Variants in TENM1 observed in about 807,000 individuals in gnomAD.
The protein encoded by TENM1 is teneurin-1.
In TENM1, 35 loss-of-function variants were observed where a neutral mutation model predicts 174.8. The ratio of observed to expected loss-of-function variants is 0.20; its 90% CI spans 0.15 to 0.27. The LOEUF is 0.27. Among genes scored for constraint, TENM1 ranks in the 10% least tolerant of loss-of-function variants. The pLI is 1.00. For missense variants in TENM1, 1,633 were observed against 2,130.1 expected (o/e 0.77, Z 4.59); for synonymous variants, 781 against 798.7 (o/e 0.98, Z 0.37).
At chrX:124,644,204 C>CATATATATATAT (rs1489841676) in intron 10 of TENM1, among the ~76,000 whole-genome samples, 15 of 98,162 alleles carry the variant, frequency 1.5e-4, no homozygotes, top group African/African-American at 5.8e-4. Context: ...TATAAATTTA[C>CATATATATATAT]ATATACATAT....
chrX:125,045,208 A>G, the TENM1 span, among the ~76,000 whole-genome samples: 75 of 111,655 alleles, frequency 6.7e-4, no homozygotes, highest in East Asian at 0.02. Context: ...AACAGCCCCC[A>G]TGATCCAGTC....
chrX:125,040,805 GA>G, the TENM1 span, among the ~76,000 whole-genome samples: 3 of 109,342 alleles, frequency 2.7e-5, no homozygotes, highest in African/African-American at 9.9e-5. Context: ...TGAGCTGAAG[GA>G]AAAAAAAATT....
At chrX:124,957,823 C>T (rs957381184) in intron 1 of TENM1, among the ~76,000 whole-genome samples, 1 of 111,254 alleles carries the variant, frequency 9.0e-6, no homozygotes, top group African/African-American at 3.3e-5. Flanking sequence ...CCTCAACATA[C>T]CTCCTTTTTA....
intron 22 of TENM1, among the ~76,000 whole-genome samples, chrX:124,476,882 C>G (rs1340041120): frequency 2.7e-5 from 3 of 112,669 alleles, no homozygotes. Context: ...AATTCAAACT[C>G]ATATACAATG....
the TENM1 span, among the ~76,000 whole-genome samples, chrX:125,180,973 A>T: frequency 9.0e-6 from 1 of 111,553 alleles, no homozygotes; most frequent in African/African-American, 3.3e-5. Context: ...TACCGGCATT[A>T]CCTCCTCCAC....
At chrX:125,155,463 C>T in the TENM1 span, among the ~76,000 whole-genome samples, 4 of 111,272 alleles carry the variant, frequency 3.6e-5, no homozygotes, top group East Asian at 2.9e-4. Flanking sequence ...CCGTGCCGTG[C>T]GCCCACACTC....
the TENM1 span, among the ~76,000 whole-genome samples, chrX:125,098,473 G>GCA: frequency 9.0e-6 from 1 of 111,694 alleles, no homozygotes; most frequent in South Asian, 3.7e-4. Flanking sequence ...TTTGTAGTTG[G>GCA]CATTTATATT....
At chrX:124,521,396 AT>A (rs1232440919) in intron 17 of TENM1, among the ~76,000 whole-genome samples, 1 of 111,535 alleles carries the variant, frequency 9.0e-6, no homozygotes, top group East Asian at 2.8e-4. Context: ...TTTTAATCAA[AT>A]TTTTCTTACA....
chrX:124,801,345 T>C (rs2147236033), intron 3 of TENM1, among the ~76,000 whole-genome samples: 1 of 111,782 alleles, frequency 8.9e-6, no homozygotes, highest in East Asian at 2.8e-4. Flanking sequence ...CATTACGTAA[T>C]GCCCTTCTTT....
chrX:124,557,879 T>C (rs1405906320), intron 14 of TENM1, among the ~76,000 whole-genome samples: 2 of 111,964 alleles, frequency 1.8e-5, no homozygotes, highest in East Asian at 5.6e-4. Context: ...TAATGTATGG[T>C]GATCATATGT....
the TENM1 span, among the ~76,000 whole-genome samples, chrX:125,071,190 G>C: frequency 8.9e-6 from 1 of 111,761 alleles, no homozygotes; most frequent in Non-Finnish European, 1.9e-5. Context: ...AGATCTCTCT[G>C]TTAGTAATTA....
chrX:124,517,185 A>G (rs2047723749), intron 18 of TENM1, among the ~76,000 whole-genome samples: 1 of 110,736 alleles, frequency 9.0e-6, no homozygotes, highest in South Asian at 3.9e-4. Flanking sequence ...GAGCAGCAAA[A>G]ATAACTATTG....
At chrX:124,608,349 C>G (rs1410651775) in intron 11 of TENM1, among the ~76,000 whole-genome samples, 1 of 111,335 alleles carries the variant, frequency 9.0e-6, no homozygotes, top group Non-Finnish European at 1.9e-5. Flanking sequence ...TTAGCCAAAT[C>G]AAATAAAAAC....
the TENM1 span, among the ~76,000 whole-genome samples, chrX:125,008,883 G>A: frequency 2.1e-3 from 231 of 111,517 alleles, no homozygotes; most frequent in African/African-American, 6.6e-3. Flanking sequence ...AGCTAACGCA[G>A]TGTTAAGAGG....
chrX:124,963,587 T>A, exon 1 of TENM1: 2 of 1,212,135 alleles, frequency 1.6e-6, no homozygotes, highest in African/African-American at 1.7e-5. Context: ...GCTATTGTAA[T>A]TCATCCTCAG....
the TENM1 span, among the ~76,000 whole-genome samples, chrX:125,174,417 T>C: frequency 9.0e-6 from 1 of 111,422 alleles, no homozygotes; most frequent in Non-Finnish European, 1.9e-5. Context: ...TGTTCTTTAC[T>C]CAAGGAGGCT....
chrX:124,625,264 G>A (rs1167935056), intron 11 of TENM1, among the ~76,000 whole-genome samples: 2 of 111,073 alleles, frequency 1.8e-5, no homozygotes, highest in African/African-American at 3.3e-5. Context: ...TGGAAAGACT[G>A]ATTTGTCCCA....
At position 124,900,229 on chromosome X, in the gene TENM1, T is replaced by C. The variant is rs766196870; in HGVS notation, c.218-3988A>G. ...CTCAGTCCTAAAAAGGAATGGACTA[T>C]TGATGCATAACAATGTTATGGACTT... is the stretch of plus-strand genomic sequence containing the variant. On this transcript the variant is annotated intron_variant, in intron 1 of 31. Coordinates refer to ENST00000422452, the Ensembl canonical transcript of TENM1. 2.9e-4 allele frequency among the ~76,000 whole-genome samples: 33 copies of C among 112,419 alleles called. No individual in the cohort carries two copies. In the East Asian group the frequency reaches 8.9e-3, roughly 30 times the overall value.
the TENM1 span, among the ~76,000 whole-genome samples, chrX:124,977,240 G>A: frequency 4.5e-5 from 5 of 111,520 alleles, no homozygotes; most frequent in South Asian, 3.7e-4. Flanking sequence ...CATGTAAACC[G>A]TAAGGCATTT....
Sources: gnomAD v4.1 joint callset for allele counts (sites outside exome capture counted in the v4.1 genomes callset) on GRCh38, gnomAD v4.1.1 for gene constraint, MANE v1.5 for transcripts, NCBI Gene and HGNC (gene_info 2026-07-23, HGNC 2026-07-21) for gene names.